KATNAL2: variants seen among roughly 807,000 people sequenced by gnomAD.
The protein encoded by KATNAL2 is katanin p60 ATPase-containing subunit A-like 2.
KATNAL2 carries 52 observed loss-of-function variants against 76.3 expected under a neutral mutation model. The ratio of observed to expected loss-of-function variants is 0.68; its 90% confidence interval spans 0.55 to 0.86. KATNAL2 has a LOEUF of 0.86. KATNAL2 is among the 40% of genes least tolerant of loss of function. The pLI, the probability that KATNAL2 is intolerant of heterozygous loss-of-function variation, is 0.00. For missense variants in KATNAL2, 660 were observed against 668.9 expected (o/e 0.99, Z 0.15); for synonymous variants, 243 against 244.2 (o/e 1.00, Z 0.05).
At chr18:47,048,370 G>T (rs1262892857) in intron 4 of KATNAL2, among the ~76,000 whole-genome samples, 1 of 152,186 alleles carries the variant, frequency 6.6e-6, no homozygotes, top group Non-Finnish European at 1.5e-5. Context: ...AGGGCAGGAG[G>T]CAGTTGACAA....
intron 6 of KATNAL2, among the ~76,000 whole-genome samples, chr18:47,055,710 A>C (rs1033250253): frequency 6.6e-6 from 1 of 152,190 alleles, no homozygotes; most frequent in African/African-American, 2.4e-5. Context: ...AATCATGAGG[A>C]GCGTTTGCAG....
intron 14 of KATNAL2, among the ~76,000 whole-genome samples, chr18:47,076,794 A>T (rs924951537): frequency 8.1e-6 from 1 of 124,034 alleles, no homozygotes; most frequent in African/African-American, 2.9e-5. Context: ...TATAATAAAT[A>T]AATTATATAT....
chr18:46,958,717 G>A (rs1181596825), intron 3 of KATNAL2, among the ~76,000 whole-genome samples: 2 of 152,190 alleles, frequency 1.3e-5, no homozygotes, highest in East Asian at 3.8e-4. Context: ...CTGAATGTAA[G>A]AATCCTCTAT....
chr18:46,941,348 AAAAC>A (rs991839662), intron 1 of KATNAL2, among the ~76,000 whole-genome samples: 47 of 152,170 alleles, frequency 3.1e-4, no homozygotes, highest in African/African-American at 9.7e-4. Context: ...CAAAAAACAA[AAAAC>A]AAACAAACAA....
At chr18:46,957,339 C>T (rs1433606619) in intron 3 of KATNAL2, among the ~76,000 whole-genome samples, 7 of 147,042 alleles carry the variant, frequency 4.8e-5, no homozygotes, top group South Asian at 2.2e-4. Flanking sequence ...CTGCAGGCTC[C>T]GCCCCCCGGG....
In KATNAL2 at chr18:47,069,581, A is replaced by C; in HGVS notation, c.989A>C (p.Asp330Ala). 1 of 1,612,812 alleles carries C rather than the reference A, an allele frequency of 6.2e-7. No individual in the cohort carries two copies. The highest frequency in any genetic ancestry group is 8.5e-7 in the Non-Finnish European group (1 of 1,179,192). ...ASTIVSKWRG[D>A]SEKLVRVLFE... ...ACCATTGTCAGCAAATGGAGAGGGG[A>C]TTCAGAAAAACTCGTTCGGGTAGGA... Residue 330 changes from aspartate to alanine, a missense_variant, in exon 13 of 18, where the codon GAT (aspartate) becomes GCT (alanine). By Grantham distance (126) the Asp-to-Ala change is moderately radical. Transcript: ENST00000683218.
intron 3 of KATNAL2, among the ~76,000 whole-genome samples, chr18:47,045,848 C>T (rs2061139937): frequency 6.6e-6 from 1 of 152,172 alleles, no homozygotes; most frequent in African/African-American, 2.4e-5. Flanking sequence ...CTAAATGTAG[C>T]ACATTAACAC....
At chr18:46,938,700 C>T (rs1028607188) in intron 1 of KATNAL2, among the ~76,000 whole-genome samples, 3 of 152,004 alleles carry the variant, frequency 2.0e-5, no homozygotes, top group African/African-American at 7.3e-5. Context: ...TAGATCTCAC[C>T]ACCCTCCTAT....
At chr18:46,921,919 A>G (rs972837813) in intron 1 of KATNAL2, among the ~76,000 whole-genome samples, 1 of 151,952 alleles carries the variant, frequency 6.6e-6, no homozygotes, top group African/African-American at 2.4e-5. Flanking sequence ...CTCTCTCCCT[A>G]TAACAGTGCT....
At chr18:46,945,528 G>A (rs1369166074) in intron 1 of KATNAL2, among the ~76,000 whole-genome samples, 1 of 152,142 alleles carries the variant, frequency 6.6e-6, no homozygotes, top group African/African-American at 2.4e-5. Context: ...TATCCAGGTG[G>A]GAATTAGAGG....
At position 46,917,734 on chromosome 18, in the gene KATNAL2, C is replaced by A. The variant is rs1377107040; in HGVS notation, c.-702C>A. ...CGGACTGCCTAGAGCTGGGTCGCAACTGAGGCGTTATCCGCGGGCCTGGCC... is the reference window on the plus strand; with the variant it reads ...CGGACTGCCTAGAGCTGGGTCGCAAATGAGGCGTTATCCGCGGGCCTGGCC... On this transcript the variant is annotated 5_prime_UTR_variant, in exon 1 of 18. In the 5' UTR this introduces an upstream ATG that the reference lacks. Transcript: ENST00000683218. 4.4e-6 allele frequency: 1 copy of A among 225,966 alleles called. No individual in the cohort carries two copies. The allele number at this position is 225,966 out of a possible 1,614,324, so 14.0% of individuals were successfully genotyped here.
intron 3 of KATNAL2, chr18:47,033,550 T>C: frequency 1.9e-6 from 3 of 1,612,582 alleles, no homozygotes; most frequent in Middle Eastern, 1.6e-4. Context: ...GTGATTGTCT[T>C]TCTTTCTGCG....
At chr18:47,033,111 A>C (rs201659207) in intron 3 of KATNAL2, 25 of 1,614,066 alleles carry the variant, frequency 1.5e-5, no homozygotes, top group Non-Finnish European at 2.1e-5. Context: ...CCGCGTGCTC[A>C]TTGCTGCTGC....
intron 1 of KATNAL2, among the ~76,000 whole-genome samples, chr18:46,939,084 A>C (rs2059171811): frequency 6.6e-6 from 1 of 152,146 alleles, no homozygotes; most frequent in Non-Finnish European, 1.5e-5. Flanking sequence ...GTTCATGCCT[A>C]TAATCCCAGC....
chr18:47,091,388 G>T (rs199829338), intron 15 of KATNAL2: 3 of 152,186 alleles, frequency 2.0e-5, no homozygotes, highest in South Asian at 4.1e-4. Context: ...TGAGGTGACA[G>T]AAGTACCAGA....
intron 1 of KATNAL2, among the ~76,000 whole-genome samples, chr18:46,919,222 C>G (rs934075537): frequency 2.1e-4 from 32 of 151,978 alleles, no homozygotes; most frequent in African/African-American, 7.2e-4. Flanking sequence ...AGCTGTGGCC[C>G]ACGCTCTAAA....
At chr18:47,044,634 T>C (rs12607754) in intron 3 of KATNAL2, among the ~76,000 whole-genome samples, 1 of 151,474 alleles carries the variant, frequency 6.6e-6, no homozygotes, top group African/African-American at 2.4e-5. Flanking sequence ...GGTAGCGGGC[T>C]TCTGTAATCC....
At chr18:47,082,329 T>C (rs2062565182) in intron 15 of KATNAL2, among the ~76,000 whole-genome samples, 1 of 152,162 alleles carries the variant, frequency 6.6e-6, no homozygotes, top group Non-Finnish European at 1.5e-5. Flanking sequence ...TCCCCAGCAG[T>C]TGTGACAACC....
At chr18:46,948,966 A>G (rs1291867561) in intron 3 of KATNAL2, among the ~76,000 whole-genome samples, 1 of 150,438 alleles carries the variant, frequency 6.6e-6, no homozygotes, top group South Asian at 2.1e-4. Flanking sequence ...CAGTGGTGCA[A>G]TCATGGCTCA....
Sources: gnomAD v4.1 joint callset for allele counts (sites outside exome capture counted in the v4.1 genomes callset) on GRCh38, gnomAD v4.1.1 for gene constraint, MANE v1.5 for transcripts, NCBI Gene and HGNC (gene_info 2026-07-23, HGNC 2026-07-21) for gene names.